The following CDH18 variants were observed in gnomAD, a reference collection of about 807,000 sequenced individuals.
CDH18 encodes cadherin 18.
Under a neutral mutation model 67.9 loss-of-function variants are expected in CDH18, and 31 were observed. The observed-to-expected ratio is 0.46, with a 90% CI of 0.34 to 0.62. The LOEUF (loss-of-function observed/expected upper bound fraction) is 0.62, where lower values mean the gene tolerates loss of function less well. Among genes scored for constraint, CDH18 ranks in the 20% least tolerant of loss-of-function variants. The pLI is 0.01. For missense variants in CDH18, 890 were observed against 975.5 expected, an observed-to-expected ratio of 0.91 and a Z score of 1.17; for synonymous variants, 362 against 347.2, an observed-to-expected ratio of 1.04 and a Z score of -0.48.
chr5:19,647,350 G>C (rs1429239985), intron 5 of CDH18, among the ~76,000 whole-genome samples: 3 of 138,330 alleles, frequency 2.2e-5, no homozygotes, highest in Admixed American at 7.7e-5. Context: ...ATGAAACCCC[G>C]TCTCTACTAA....
intron 2 of CDH18, among the ~76,000 whole-genome samples, chr5:20,181,197 AT>A (rs772442208): frequency 5.4e-4 from 82 of 152,264 alleles, no homozygotes; most frequent in South Asian, 1.2e-3. Flanking sequence ...GTATTCATAC[AT>A]TTCAGTTGCT....
chr5:19,632,327 G>A (rs527532052), intron 5 of CDH18, among the ~76,000 whole-genome samples: 82 of 152,204 alleles, frequency 5.4e-4, no homozygotes, highest in African/African-American at 1.9e-3. Flanking sequence ...TCACCCTAGC[G>A]TTAGCAATAT....
chr5:19,655,986 C>CTTTT (rs963093504), intron 5 of CDH18, among the ~76,000 whole-genome samples: 257 of 103,238 alleles, frequency 2.5e-3, no homozygotes, highest in Non-Finnish European at 3.0e-3. Flanking sequence ...CTACTCACTT[C>CTTTT]TTTTTTTTTT....
intron 2 of CDH18, among the ~76,000 whole-genome samples, chr5:20,224,322 G>A (rs796713225): frequency 3.3e-5 from 5 of 152,176 alleles, no homozygotes; most frequent in African/African-American, 1.2e-4. Flanking sequence ...TTGTAATAGA[G>A]CAGCTCATAT....
chr5:20,306,737 T>G (rs187534715), intron 1 of CDH18, among the ~76,000 whole-genome samples: 1 of 152,308 alleles, frequency 6.6e-6, no homozygotes, highest in Non-Finnish European at 1.5e-5. Flanking sequence ...CAGTGAGGGT[T>G]AAAATCTCTG....
chr5:19,915,320 C>T (rs947973395), intron 2 of CDH18, among the ~76,000 whole-genome samples: 1 of 152,130 alleles, frequency 6.6e-6, no homozygotes, highest in Non-Finnish European at 1.5e-5. Context: ...TTTGAGACCT[C>T]AGACTGCTTT....
At chr5:20,219,615 T>C (rs1935958094) in intron 2 of CDH18, among the ~76,000 whole-genome samples, 1 of 151,182 alleles carries the variant, frequency 6.6e-6, no homozygotes, top group Admixed American at 6.6e-5. Flanking sequence ...CTCAAACACA[T>C]TAAAAAGATC....
chr5:20,270,342 T>C (rs945934177), intron 1 of CDH18, among the ~76,000 whole-genome samples: 11 of 152,132 alleles, frequency 7.2e-5, no homozygotes, highest in African/African-American at 2.7e-4. Context: ...TGTTGTTATG[T>C]AAGATGTTAA....
At chr5:20,568,206 G>A (rs957435036) in intron 1 of CDH18, among the ~76,000 whole-genome samples, 1 of 152,144 alleles carries the variant, frequency 6.6e-6, no homozygotes, top group African/African-American at 2.4e-5. Flanking sequence ...TTAACCTAGT[G>A]TTAAAGAAAA....
chr5:20,572,367 T>A (rs1178403352), intron 1 of CDH18, among the ~76,000 whole-genome samples: 1 of 152,104 alleles, frequency 6.6e-6, no homozygotes, highest in Non-Finnish European at 1.5e-5. Flanking sequence ...TTCCCTCAGG[T>A]TTGGCCTTAA....
intron 2 of CDH18, among the ~76,000 whole-genome samples, chr5:19,906,248 C>A (rs1790521505): frequency 6.6e-6 from 1 of 151,834 alleles, no homozygotes; most frequent in African/African-American, 2.4e-5. Context: ...TTATGTAGGT[C>A]TCATAATTTT....
chr5:20,548,413 G>A (rs910103950), intron 1 of CDH18, among the ~76,000 whole-genome samples: 1 of 150,398 alleles, frequency 6.6e-6, no homozygotes, highest in African/African-American at 2.4e-5. Context: ...ATGCCTGTAT[G>A]GATTGTCAGG....
chr5:20,534,470 C>T (rs1463692655), intron 1 of CDH18, among the ~76,000 whole-genome samples: 2 of 151,946 alleles, frequency 1.3e-5, no homozygotes, highest in Non-Finnish European at 2.9e-5. Context: ...AACACAAGAA[C>T]AGAATACAAT....
At chr5:19,775,547 G>T (rs1237441493) in intron 3 of CDH18, among the ~76,000 whole-genome samples, 1 of 152,008 alleles carries the variant, frequency 6.6e-6, no homozygotes, top group Non-Finnish European at 1.5e-5. Flanking sequence ...GACAGTGGGG[G>T]GGAGATGCCA....
At chr5:19,822,772 C>T (rs1035291071) in intron 3 of CDH18, among the ~76,000 whole-genome samples, 11 of 152,154 alleles carry the variant, frequency 7.2e-5, no homozygotes, top group Admixed American at 2.0e-4. Flanking sequence ...GTTTCGGGCA[C>T]GCATTGTCAT....
At chr5:20,472,680 C>A (rs1438661382) in intron 1 of CDH18, among the ~76,000 whole-genome samples, 1 of 152,304 alleles carries the variant, frequency 6.6e-6, no homozygotes, top group East Asian at 1.9e-4. Flanking sequence ...GAAAGACGGG[C>A]AGTGTATGTA....
chr5:19,672,254 A>T (rs1165731737), intron 5 of CDH18, among the ~76,000 whole-genome samples: 1 of 152,114 alleles, frequency 6.6e-6, no homozygotes, highest in Non-Finnish European at 1.5e-5. Context: ...GGCACTACTG[A>T]TTAGCTGAGT....
In CDH18 at chr5:20,421,813, ATG is replaced by A. The variant is rs1417436124; in HGVS notation, c.-580+153647_-580+153648del. On this transcript the variant is annotated intron_variant, in intron 1 of 14. Coordinates refer to the CDH18 transcript ENST00000507958. ...AACAGTATAAATACATAAATTATAT[ATG>A]TATATATCAATCATATATATATATA... 6.1e-5 allele frequency among the ~76,000 whole-genome samples: 9 copies of A among 147,572 alleles called. No homozygotes were observed. In the South Asian group the frequency reaches 1.5e-3, roughly 25 times the overall value.
At chr5:20,110,441 G>C (rs921349913) in intron 2 of CDH18, among the ~76,000 whole-genome samples, 3 of 152,132 alleles carry the variant, frequency 2.0e-5, no homozygotes, top group African/African-American at 7.2e-5. Context: ...CCAGCACTTT[G>C]GGAGGCCGAG....
Sources: allele counts gnomAD v4.1 joint callset (sites outside exome capture counted in the v4.1 genomes callset), GRCh38; gene constraint gnomAD v4.1.1; transcripts MANE v1.5; gene names NCBI Gene and HGNC (gene_info 2026-07-23, HGNC 2026-07-21).